YY1: variants seen among roughly 807,000 people sequenced by gnomAD.
YY1 encodes YY1 transcription factor.
A neutral mutation model predicts 35.6 loss-of-function variants in YY1; 2 were observed. The ratio of observed to expected loss-of-function variants is 0.06; its 90% CI spans 0.02 to 0.18. YY1 has a LOEUF of 0.18. YY1 is among the 10% of genes least tolerant of loss of function. YY1 has a pLI of 1.00. For missense variants in YY1, 322 were observed against 573.4 expected (o/e 0.56, Z 4.48); for synonymous variants, 268 against 238.9 (o/e 1.12, Z -1.12).
At chr14:100,268,974 G>A (rs1404427898) in intron 2 of YY1, among the ~76,000 whole-genome samples, 1 of 152,202 alleles carries the variant, frequency 6.6e-6, no homozygotes, top group African/African-American at 2.4e-5. Context: ...AGAAGTTTGG[G>A]TTCTGAAGTC....
At chr14:100,250,214 G>C (rs530507508) in intron 1 of YY1, among the ~76,000 whole-genome samples, 27 of 152,222 alleles carry the variant, frequency 1.8e-4, no homozygotes, top group African/African-American at 6.5e-4. Context: ...ACTTAATAAA[G>C]GATAGTATCC....
Position 100,276,813 on chromosome 14 carries a change from C to A in YY1, c.1062+165C>A. On this transcript the variant is annotated intron_variant, in intron 4 of 4. Transcript: ENST00000262238. This position sits in a 1 kb window ranked among gnomAD's most constrained non-coding sequence, Gnocchi z 4.1. ...CTGGGGAGTCGCTTAGAAGGGTTGC[C>A]GGGGCTCTGGACATCCTTGTCTATA... 2 of 965,880 alleles carry A rather than the reference C, an allele frequency of 2.1e-6. No individual in the cohort carries two copies. The highest frequency in any genetic ancestry group is 3.1e-6 in the Non-Finnish European group (2 of 639,772). The allele number at this position is 965,880 out of a possible 1,614,324, so 59.8% of individuals were successfully genotyped here. A position where few individuals can be genotyped will look rare whatever the true frequency, so the allele number is the denominator to read the frequency against.
intron 1 of YY1, among the ~76,000 whole-genome samples, chr14:100,252,197 A>G (rs753227116): frequency 2.0e-5 from 3 of 152,124 alleles, no homozygotes; most frequent in African/African-American, 4.8e-5. Flanking sequence ...TAGCCTTTCC[A>G]TTTATTTAGT....
At position 100,282,659 on chromosome 14, in the gene YY1, A is replaced by G. The variant is rs1157572400; in HGVS notation, c.*5059A>G. On this transcript the variant is annotated 3_prime_UTR_variant, in exon 5 of 5. Coordinates refer to ENST00000262238, the MANE Select transcript of YY1 (RefSeq NM_003403.5). The stretch of plus-strand genomic sequence containing the variant: ...TCATAGGTCATAGATGCAGAAATAT[A>G]GTATTTAAGGCATCCGCATCCAGCA... 1 of 152,246 alleles carries G rather than the reference A, an allele frequency of 6.6e-6. No homozygotes were observed. The highest frequency in any genetic ancestry group is 2.1e-4 in the South Asian group (1 of 4,836). The allele number at this position is 152,246 out of a possible 1,614,324, so 9.4% of individuals were successfully genotyped here.
At chr14:100,249,862 C>T (rs543682657) in intron 1 of YY1, among the ~76,000 whole-genome samples, 127 of 152,090 alleles carry the variant, frequency 8.4e-4, no homozygotes, top group Middle Eastern at 3.4e-3. Context: ...CAACCTCCGC[C>T]TCCCAGGTTC....
intron 3 of YY1, among the ~76,000 whole-genome samples, chr14:100,274,993 A>G (rs1052703058): frequency 1.3e-5 from 2 of 152,164 alleles, no homozygotes; most frequent in Non-Finnish European, 2.9e-5. Context: ...TGTTGACTCT[A>G]CTGTTAGCGT....
At chr14:100,275,416 C>G (rs1266373101) in intron 3 of YY1, among the ~76,000 whole-genome samples, 2 of 152,208 alleles carry the variant, frequency 1.3e-5, no homozygotes, top group African/African-American at 4.8e-5. Flanking sequence ...TGACTGTGCA[C>G]TAGCAAGTCC....
chr14:100,241,274 T>C (rs1346272799), intron 1 of YY1, among the ~76,000 whole-genome samples: 1 of 152,246 alleles, frequency 6.6e-6, no homozygotes, highest in African/African-American at 2.4e-5. Flanking sequence ...ACTTTAAAGC[T>C]TCATAAATTC....
At position 100,240,176 on chromosome 14, in the gene YY1, G is replaced by A. The variant is rs1239070804; in HGVS notation, c.679+253G>A. On this transcript the variant is annotated intron_variant, in intron 1 of 4. Transcript: ENST00000262238. The stretch of plus-strand genomic sequence containing the variant: ...CAATGGCGTAGTTTCTCCGAGAGGG[G>A]GAAGCGCCGCGCGGGGCGGAGACGG... Among the ~76,000 whole-genome samples, 4 of 145,680 alleles carry A rather than the reference G, an allele frequency of 2.7e-5. No homozygotes were observed. In the East Asian group the frequency reaches 8.0e-4, roughly 29 times the overall value.
intron 2 of YY1, 27 bp from the exon 3 acceptor site, chr14:100,274,671 G>T: frequency 6.2e-7 from 1 of 1,604,432 alleles, no homozygotes; most frequent in South Asian, 1.1e-5. Flanking sequence ...CTACAAATCT[G>T]TCTGTCTCTC....
chr14:100,271,236 G>A (rs1432442563), intron 2 of YY1, among the ~76,000 whole-genome samples: 2 of 152,132 alleles, frequency 1.3e-5, no homozygotes, highest in Non-Finnish European at 2.9e-5. Flanking sequence ...GACAGAGCGA[G>A]ACTCTGCCTC....
chr14:100,267,692 T>G (rs1187947176), intron 2 of YY1, among the ~76,000 whole-genome samples: 1 of 151,874 alleles, frequency 6.6e-6, no homozygotes, highest in African/African-American at 2.4e-5. Context: ...CCCGGCTAAT[T>G]TTTGTATTTT....
At chr14:100,242,945 C>G (rs1044469016) in intron 1 of YY1, among the ~76,000 whole-genome samples, 3 of 152,124 alleles carry the variant, frequency 2.0e-5, no homozygotes, top group African/African-American at 7.2e-5. Context: ...CGCTGGTTGT[C>G]TAGCTAGTGT....
intron 1 of YY1, among the ~76,000 whole-genome samples, chr14:100,243,400 G>T (rs1412864670): frequency 1.3e-5 from 2 of 152,154 alleles, no homozygotes; most frequent in African/African-American, 4.8e-5. Context: ...TTTTGCATAA[G>T]CCCCAAGCTG....
In YY1 at chr14:100,254,940, A is replaced by ATTTTTTTTTTTTTTTTTTTTT. The variant is rs35165026; in HGVS notation, c.680-7355_680-7335dup. ...AAGCGCCCGCCACCACGCCCAGCTAATTTTTTTTTTTTTTTTTTTTTTTTT... is the reference window on the plus strand; with the variant it reads ...AAGCGCCCGCCACCACGCCCAGCTAATTTTTTTTTTTTTTTTTTTTTTTTTTTTTTTTTTTTTTTTTTTTTT... On this transcript the variant is annotated intron_variant, in intron 1 of 4. Coordinates refer to ENST00000262238, the MANE Select transcript of YY1 (RefSeq NM_003403.5). 6.1e-4 allele frequency among the ~76,000 whole-genome samples: 18 copies of ATTTTTTTTTTTTTTTTTTTTT among 29,588 alleles called. 1 individual carries two copies. The highest frequency in any genetic ancestry group is 1.7e-3 in the East Asian group (1 of 584). The allele number at this position is 29,588 out of a possible 152,430, so 19.4% of individuals were successfully genotyped here. A position where few individuals can be genotyped will look rare whatever the true frequency, so the allele number is the denominator to read the frequency against.
In YY1 at chr14:100,277,766, A is replaced by G; in HGVS notation, c.*166A>G. 1.3e-6 allele frequency: 1 copy of G among 768,530 alleles called. No homozygotes were observed. The highest frequency in any genetic ancestry group is 2.1e-6 in the Non-Finnish European group (1 of 487,000). The allele number at this position is 768,530 out of a possible 1,614,324, so 47.6% of individuals were successfully genotyped here. ...TAAAGTAGTAAAAATTAAAAAAAAA[A>G]AACTTTACTAAGATGACATTGCTAA... On this transcript the variant is annotated 3_prime_UTR_variant, in exon 5 of 5. Transcript: ENST00000262238. The surrounding 1 kb of genome is among the most constrained non-coding windows in gnomAD (Gnocchi z 5.6).
At chr14:100,247,187 C>G (rs1890846274) in intron 1 of YY1, among the ~76,000 whole-genome samples, 1 of 152,154 alleles carries the variant, frequency 6.6e-6, no homozygotes, top group African/African-American at 2.4e-5. Flanking sequence ...TTTTTGAAAC[C>G]TGCTTAACAA....
At chr14:100,274,571 CATGGAAATGTATCATA>C in intron 2 of YY1, 111 bp from the exon 3 acceptor site, 1 of 771,554 alleles carries the variant, frequency 1.3e-6, no homozygotes, top group Non-Finnish European at 2.2e-6. Flanking sequence ...CTTTCTGCTT[CATGGAAATGTATCATA>C]ATTTTAGTTT....
intron 2 of YY1, among the ~76,000 whole-genome samples, chr14:100,272,227 C>T (rs1255565165): frequency 2.0e-5 from 3 of 149,588 alleles, no homozygotes; most frequent in Non-Finnish European, 3.0e-5. Flanking sequence ...ACCTGGGAGG[C>T]GGAGCTTGCA....
Sources: allele counts gnomAD v4.1 joint callset (sites outside exome capture counted in the v4.1 genomes callset), GRCh38; gene constraint gnomAD v4.1.1; non-coding constraint Gnocchi (gnomAD v3.1); transcripts MANE v1.5; gene names NCBI Gene and HGNC (gene_info 2026-07-23, HGNC 2026-07-21).